GART: variants seen among roughly 807,000 people sequenced by gnomAD.
GART encodes trifunctional purine biosynthetic protein adenosine-3.
A neutral mutation model predicts 107.2 loss-of-function variants in GART; 43 were observed. The observed-to-expected ratio is 0.40, with a 90% CI of 0.31 to 0.52. The LOEUF (loss-of-function observed/expected upper bound fraction) is 0.52, where lower values mean the gene tolerates loss of function less well. Ranked by LOEUF, GART falls within the 20% of genes least tolerant of loss-of-function variation. GART has a pLI of 0.52. For missense variants in GART, 1,107 were observed against 1,206.5 expected (o/e 0.92, Z 1.22); for synonymous variants, 434 against 427.0 (o/e 1.02, Z -0.20).
chr21:33,534,667 C>CAA lies in GART; in HGVS notation c.326_327dup (p.Ala110LeufsTer30), dbSNP rs762411597. ...CCATGTCTGTCCATAAACTCTTTGGCAAACCTTTTGCTGGACTCTAACTGA... is the reference window on the plus strand; with the variant it reads ...CCATGTCTGTCCATAAACTCTTTGGCAAAAACCTTTTGCTGGACTCTAACTGA... On this transcript the variant is annotated frameshift_variant, in exon 4 of 22. Transcript: ENST00000381815. LOFTEE classifies it high-confidence loss of function. 1 of 1,613,774 alleles carries CAA rather than the reference C, an allele frequency of 6.2e-7. No homozygotes were observed. Among genetic ancestry groups the CAA allele is most frequent in the Non-Finnish European group, 8.5e-7 (1 of 1,179,884 alleles).
At chr21:33,523,568 C>G (rs1389252277) in intron 11 of GART, among the ~76,000 whole-genome samples, 1 of 152,136 alleles carries the variant, frequency 6.6e-6, no homozygotes, top group Non-Finnish European at 1.5e-5. Context: ...AAACCTGCCT[C>G]TTGGTAACAG....
chr21:33,529,025 G>GTTATCCT, intron 7 of GART, 88 bp from the exon 8 acceptor site: 1 of 796,482 alleles, frequency 1.3e-6, no homozygotes, highest in Non-Finnish European at 2.1e-6. Flanking sequence ...GGGATGATGA[G>GTTATCCT]GATAACTCAT....
Position 33,504,436 on chromosome 21 carries a change from A to T in GART, c.2817T>A (p.Thr939=). ...EQALETGVTV[T]GCTVHFVAED... ...CAGCTACAAAGTGTACAGTGCACCC[A>T]GTAACTGTGACTCCGGTTTCCAGGG... Residue 939 remains threonine, a synonymous_variant, in exon 21 of 22, where the codon ACT becomes ACA. Transcript: ENST00000381815. The T allele has an allele frequency of 1.2e-6, 2 of 1,614,002 alleles. No individual in the cohort carries two copies. The highest frequency in any genetic ancestry group is 1.7e-6 in the Non-Finnish European group (2 of 1,179,840).
chr21:33,532,526 T>A (rs901317606), intron 4 of GART, 70 bp from the exon 5 acceptor site: 4 of 1,164,640 alleles, frequency 3.4e-6, no homozygotes, highest in South Asian at 1.2e-5. Flanking sequence ...TGCTGTGGGA[T>A]TTTGTAACGA....
Position 33,505,703 on chromosome 21 carries a change from C to T in GART, c.2584-1G>A. On this transcript the variant is annotated splice_acceptor_variant, in intron 19 of 21. Coordinates refer to ENST00000381815, the MANE Select transcript of GART (RefSeq NM_000819.5). LOFTEE classifies it high-confidence loss of function. ...TTTTATACAGTTTATGATTAATTAC[C>T]TGTAATAGAAAAAGATAAGCACAAC... 1 of 1,585,480 alleles carries T rather than the reference C, an allele frequency of 6.3e-7. No homozygotes were observed. Among genetic ancestry groups the T allele is most frequent in the Non-Finnish European group, 8.5e-7 (1 of 1,170,220 alleles).
At chr21:33,508,954 A>C (rs935439519) in intron 18 of GART, among the ~76,000 whole-genome samples, 4 of 152,152 alleles carry the variant, frequency 2.6e-5, no homozygotes, top group Non-Finnish European at 5.9e-5. Flanking sequence ...ATTGCTGCAA[A>C]TGATGTGGTT....
intron 11 of GART, chr21:33,524,498 TA>T: frequency 1.1e-6 from 1 of 907,140 alleles, no homozygotes; most frequent in Non-Finnish European, 1.3e-6. Context: ...TTAAAAAAAT[TA>T]AAAATATAAA....
At position 33,528,164 on chromosome 21, in the gene GART, C is replaced by T; in HGVS notation, c.1066+3G>A. 2 of 1,613,018 alleles carry T rather than the reference C, an allele frequency of 1.2e-6. No homozygotes were observed. ...CTCCAACCTCTTGCTCCCTGACACT[C>T]ACCTGTTATCTCTACACCCTTGGTG... On this transcript the variant is annotated splice_donor_region_variant and intron_variant, in intron 10 of 21. Coordinates refer to ENST00000381815, the MANE Select transcript of GART (RefSeq NM_000819.5).
intron 17 of GART, 56 bp from the exon 18 acceptor site, chr21:33,509,976 T>C (rs1259336175): frequency 6.8e-7 from 1 of 1,479,136 alleles, no homozygotes. Flanking sequence ...TTAACAAGAA[T>C]AATGGAAAGA....
chr21:33,535,765 C>T (rs557807626), intron 2 of GART, among the ~76,000 whole-genome samples: 6 of 152,268 alleles, frequency 3.9e-5, no homozygotes, highest in Admixed American at 1.3e-4. Context: ...CGGTGGCTCA[C>T]GCCTGTAATC....
At position 33,531,569 on chromosome 21, in the gene GART, ATTTTTTT is replaced by A; in HGVS notation, c.529-19_529-13del. 5.0e-6 allele frequency: 7 copies of A among 1,412,204 alleles called. No individual in the cohort carries two copies. Among genetic ancestry groups the A allele is most frequent in the Non-Finnish European group, 6.6e-6 (7 of 1,058,516 alleles). The allele number at this position is 1,412,204 out of a possible 1,614,324, so 87.5% of individuals were successfully genotyped here. ...CCAAAGGCTTTCTCCTGATTGTAAG[ATTTTTTT>A]TTTTTTTTTTTTTAAAAAAAGAGGC... On this transcript the variant is annotated splice_polypyrimidine_tract_variant and intron_variant, in intron 5 of 21. Transcript: ENST00000381815.
intron 17 of GART, among the ~76,000 whole-genome samples, chr21:33,510,693 C>G (rs745504176): frequency 3.9e-5 from 6 of 152,066 alleles, no homozygotes; most frequent in Non-Finnish European, 5.9e-5. Flanking sequence ...TTGGAGAACC[C>G]GCTTGAAAAT....
At position 33,511,433 on chromosome 21, in the gene GART, C is replaced by T; in HGVS notation, c.2133G>A (p.Arg711=). Residue 711 remains arginine, a synonymous_variant, in exon 17 of 22, where the codon AGG becomes AGA. Transcript: ENST00000381815. ...DLDAQTWRIP[R]VFSWLQQEGH... ...CTTCCTGCTGCAACCATGAGAAGACCCTGGGGATCCTCCAGGTCTGGGCAT... is the reference window on the plus strand; with the variant it reads ...CTTCCTGCTGCAACCATGAGAAGACTCTGGGGATCCTCCAGGTCTGGGCAT... 6.2e-7 allele frequency: 1 copy of T among 1,614,006 alleles called. No homozygotes were observed. The highest frequency in any genetic ancestry group is 8.5e-7 in the Non-Finnish European group (1 of 1,180,012).
chr21:33,531,075 G>T (rs1183883059), intron 6 of GART, 191 bp from the exon 7 acceptor site: 9 of 430,272 alleles, frequency 2.1e-5, no homozygotes, highest in Admixed American at 4.4e-5. Context: ...CTCAACTTCT[G>T]AAGGATTTGT....
Position 33,528,505 on chromosome 21 carries a change from A to AAG in GART, c.897+13_897+14insCT. 6.3e-7 allele frequency: 1 copy of AAG among 1,586,914 alleles called. No individual in the cohort carries two copies. The highest frequency in any genetic ancestry group is 8.6e-7 in the Non-Finnish European group (1 of 1,166,168). ...ATATCTTCTACCAAGTAATACTTTG[A>AAG]TATTTTTACCCACTTGGCACTCTGG... On this transcript the variant is annotated intron_variant, in intron 9 of 21. Transcript: ENST00000381815.
chr21:33,536,549 T>C lies in GART; in HGVS notation c.146-1229A>G, dbSNP rs562364281. ...TGAAACCACAGTGCTGAACGCTATA[T>C]ATATAGTATGTTTTTTCCTATACAT... is the stretch of plus-strand genomic sequence containing the variant. On this transcript the variant is annotated intron_variant, in intron 2 of 21. Coordinates refer to ENST00000381815, the MANE Select transcript of GART (RefSeq NM_000819.5). Among the ~76,000 whole-genome samples, 10 of 152,362 alleles carry C rather than the reference T, an allele frequency of 6.6e-5. No homozygotes were observed. The South Asian group carries it at 2.1e-3, about 32-fold the overall frequency.
intron 8 of GART, 32 bp downstream of exon 8, chr21:33,528,818 G>C (rs772506402): frequency 1.4e-6 from 2 of 1,451,942 alleles, no homozygotes; most frequent in Non-Finnish European, 1.9e-6. Context: ...TTACTCTATA[G>C]GTGGCTTCCA....
intron 10 of GART, 147 bp downstream of exon 10, chr21:33,528,020 C>T: frequency 4.6e-6 from 3 of 648,670 alleles, no homozygotes; most frequent in South Asian, 3.7e-5. Flanking sequence ...ACACACATAT[C>T]CAATAAGCAA....
Position 33,517,338 on chromosome 21 carries a change from T to A in GART, c.1954+19A>T. 1 of 1,613,880 alleles carries A rather than the reference T, an allele frequency of 6.2e-7. No homozygotes were observed. Among genetic ancestry groups the A allele is most frequent in the Non-Finnish European group, 8.5e-7 (1 of 1,179,966 alleles). ...TCAGGCATTTCCAAGCAGGACAGTTTAAACATGAGGGAGTTTACCTAAAGT... is the reference window on the plus strand; with the variant it reads ...TCAGGCATTTCCAAGCAGGACAGTTAAAACATGAGGGAGTTTACCTAAAGT... On this transcript the variant is annotated intron_variant, in intron 15 of 21. Coordinates refer to ENST00000381815, the MANE Select transcript of GART (RefSeq NM_000819.5).
Sources: allele counts gnomAD v4.1 joint callset (sites outside exome capture counted in the v4.1 genomes callset), GRCh38; gene constraint gnomAD v4.1.1; transcripts MANE v1.5; gene names NCBI Gene and HGNC (gene_info 2026-07-23, HGNC 2026-07-21).